Variants in FERMT1 observed in about 807,000 individuals in gnomAD.
FERMT1 encodes fermitin family homolog 1.
FERMT1 carries 60 observed loss-of-function variants against 85.3 expected under a neutral mutation model. The observed-to-expected ratio is 0.70, with a 90% CI of 0.57 to 0.87. The LOEUF is 0.87. Among genes scored for constraint, FERMT1 ranks in the 40% least tolerant of loss-of-function variants. FERMT1 has a pLI of 0.00. For missense variants in FERMT1, 701 were observed against 818.9 expected (o/e 0.86, Z 1.76); for synonymous variants, 275 against 301.1 (o/e 0.91, Z 0.90).
chr20:6,095,740 G>C (rs574489070), intron 8 of FERMT1, among the ~76,000 whole-genome samples: 1 of 152,186 alleles, frequency 6.6e-6, no homozygotes, highest in African/African-American at 2.4e-5. Flanking sequence ...TTCTATAAAC[G>C]TGACACAGGG....
chr20:6,113,654 G>A lies in FERMT1; in HGVS notation c.386-1031C>T, dbSNP rs548958587. ...TGCACTGCAACAGCCCACATATTCC[G>A]GGAATTAATGCTCCCCAAGAGCAAC... On this transcript the variant is annotated intron_variant, in intron 3 of 14. Transcript: ENST00000217289. Among the ~76,000 whole-genome samples the A allele has an allele frequency of 9.2e-5, 14 of 152,230 alleles. No homozygotes were observed. In the South Asian group the frequency reaches 1.0e-3, roughly 11 times the overall value.
intron 10 of FERMT1, among the ~76,000 whole-genome samples, chr20:6,088,338 T>C (rs960266475): frequency 2.4e-4 from 37 of 152,226 alleles, no homozygotes; most frequent in African/African-American, 8.9e-4. Context: ...GAATTAAATA[T>C]AACTGTTCTG....
intron 10 of FERMT1, among the ~76,000 whole-genome samples, 165 bp from the exon 11 acceptor site, chr20:6,088,048 A>G (rs1485454502): frequency 6.6e-6 from 1 of 152,264 alleles, no homozygotes; most frequent in Non-Finnish European, 1.5e-5. Context: ...ATAATTAGAT[A>G]AATCTTATGA....
intron 11 of FERMT1, among the ~76,000 whole-genome samples, chr20:6,085,814 A>T (rs1301922591): frequency 6.6e-6 from 1 of 150,420 alleles, no homozygotes; most frequent in African/African-American, 2.5e-5. Flanking sequence ...GCACAAACGC[A>T]CTCGAGCCTG....
chr20:6,085,649 A>G (rs577823295), intron 11 of FERMT1, among the ~76,000 whole-genome samples: 2 of 152,292 alleles, frequency 1.3e-5, no homozygotes, highest in South Asian at 4.1e-4. Context: ...CAGGAGTTCG[A>G]GACCAGTCTG....
At chr20:6,097,654 G>T in intron 6 of FERMT1, 23 bp from the exon 7 acceptor site, 1 of 1,457,534 alleles carries the variant, frequency 6.9e-7, no homozygotes, top group Non-Finnish European at 9.6e-7. Flanking sequence ...ACAGAGGTGT[G>T]TGTGTAATGA....
intron 6 of FERMT1, among the ~76,000 whole-genome samples, chr20:6,107,199 CAAAAAA>C (rs59180891): frequency 4.3e-5 from 4 of 92,654 alleles, no homozygotes; most frequent in Non-Finnish European, 8.4e-5. Flanking sequence ...CTGTCTCAAC[CAAAAAA>C]AAAAAAAAAA....
At chr20:6,121,800 T>C (rs1023221003) in intron 1 of FERMT1, among the ~76,000 whole-genome samples, 1 of 152,214 alleles carries the variant, frequency 6.6e-6, no homozygotes, top group Admixed American at 6.5e-5. Flanking sequence ...GAAACCACTT[T>C]GATAATGTTG....
At chr20:6,089,141 C>T in intron 9 of FERMT1, 52 bp from the exon 10 acceptor site, 1 of 1,585,414 alleles carries the variant, frequency 6.3e-7, no homozygotes, top group South Asian at 1.1e-5. Context: ...AAATGTGGAA[C>T]ACGCTGCAGA....
At chr20:6,100,452 G>T (rs1982632824) in intron 6 of FERMT1, among the ~76,000 whole-genome samples, 1 of 152,132 alleles carries the variant, frequency 6.6e-6, no homozygotes, top group African/African-American at 2.4e-5. Context: ...GAGGGTAGGA[G>T]GGAACTGGGG....
intron 6 of FERMT1, among the ~76,000 whole-genome samples, chr20:6,105,975 G>C (rs951306085): frequency 6.6e-6 from 1 of 152,150 alleles, no homozygotes; most frequent in Non-Finnish European, 1.5e-5. Context: ...GCAAGGAAAT[G>C]CTAAAGTTGA....
At chr20:6,121,919 T>A (rs374327905) in intron 1 of FERMT1, among the ~76,000 whole-genome samples, 7 of 152,252 alleles carry the variant, frequency 4.6e-5, no homozygotes, top group African/African-American at 1.4e-4. Flanking sequence ...AGACAAAAGA[T>A]GCCCCTTCAT....
At position 6,087,820 on chromosome 20, in the gene FERMT1, G is replaced by A; in HGVS notation, c.1328C>T (p.Pro443Leu). The A allele has an allele frequency of 6.2e-7, 1 of 1,611,442 alleles. No individual in the cohort carries two copies. The highest frequency in any genetic ancestry group is 8.5e-7 in the Non-Finnish European group (1 of 1,177,578). Residue 443 changes from proline to leucine, a missense_variant, in exon 11 of 15, where the codon CCT (proline) becomes CTT (leucine). Transcript: ENST00000217289. ...CATTTCATTCATACCATCGGCAACAGGGATTAGTAACTTGATTCCAAATTT... is the reference window on the plus strand; with the variant it reads ...CATTTCATTCATACCATCGGCAACAAGGATTAGTAACTTGATTCCAAATTT... ...GRKFGIKLLI[P>L]VADGMNEMYL...
At chr20:6,116,159 A>T in intron 2 of FERMT1, 115 bp from the exon 3 acceptor site, 1 of 765,600 alleles carries the variant, frequency 1.3e-6, no homozygotes, top group Non-Finnish European at 2.3e-6. Context: ...ACTGATCTCC[A>T]GCTCCTCATG....
At chr20:6,098,237 A>ATAAACAGTGTAATAAG (rs1205971197) in intron 6 of FERMT1, among the ~76,000 whole-genome samples, 2 of 151,218 alleles carry the variant, frequency 1.3e-5, no homozygotes, top group Admixed American at 6.6e-5. Flanking sequence ...GGTTTATATG[A>ATAAACAGTGTAATAAG]TAAACAGTGT....
chr20:6,086,327 C>A (rs1377661292), intron 11 of FERMT1, among the ~76,000 whole-genome samples: 1 of 152,148 alleles, frequency 6.6e-6, no homozygotes, highest in Non-Finnish European at 1.5e-5. Flanking sequence ...CCTGGTCTAT[C>A]CTTGGTAAAG....
chr20:6,093,276 T>C (rs980148531), intron 9 of FERMT1, among the ~76,000 whole-genome samples: 3 of 152,320 alleles, frequency 2.0e-5, no homozygotes, highest in Non-Finnish European at 4.4e-5. Context: ...TTCATTTGTT[T>C]CTTCTTTCCA....
intron 9 of FERMT1, among the ~76,000 whole-genome samples, chr20:6,089,706 C>T (rs1450263160): frequency 6.6e-6 from 1 of 152,212 alleles, no homozygotes. Context: ...GCGATATCTA[C>T]AGCTAGTCAA....
At chr20:6,111,445 A>C (rs922319002) in intron 4 of FERMT1, among the ~76,000 whole-genome samples, 6 of 152,132 alleles carry the variant, frequency 3.9e-5, no homozygotes, top group African/African-American at 1.4e-4. Flanking sequence ...CAGCCTGGCC[A>C]ACATGGCAAA....
Sources: gnomAD v4.1 joint callset for allele counts (sites outside exome capture counted in the v4.1 genomes callset) on GRCh38, gnomAD v4.1.1 for gene constraint, MANE v1.5 for transcripts, NCBI Gene and HGNC (gene_info 2026-07-23, HGNC 2026-07-21) for gene names.